Variants in ANO1 observed in about 807,000 individuals in gnomAD.
ANO1 encodes anoctamin 1.
In ANO1, 59 loss-of-function variants were observed where a neutral mutation model predicts 124.0. The observed-to-expected ratio is 0.48, with a 90% CI of 0.39 to 0.59. The LOEUF is 0.59. Among genes scored for constraint, ANO1 ranks in the 20% least tolerant of loss-of-function variants. The pLI, the probability that ANO1 is intolerant of heterozygous loss-of-function variation, is 0.00. For missense variants in ANO1, 1,059 were observed against 1,328.0 expected (o/e 0.80, Z 3.15); for synonymous variants, 529 against 532.0 (o/e 0.99, Z 0.08).
At chr11:70,163,374 T>C (rs1446946705) in intron 19 of ANO1, 34 bp downstream of exon 19, 1 of 1,611,356 alleles carries the variant, frequency 6.2e-7, no homozygotes, top group Non-Finnish European at 8.5e-7. Context: ...TGGCAGCCCC[T>C]TCTGTCTTGC....
chr11:69,972,186 C>CAAAAA, the ANO1 span, among the ~76,000 whole-genome samples: 2 of 86,552 alleles, frequency 2.3e-5, no homozygotes, highest in African/African-American at 4.3e-5. Flanking sequence ...GACTCCGTCT[C>CAAAAA]AAAAAAAAAA....
intron 1 of ANO1, among the ~76,000 whole-genome samples, chr11:69,988,320 C>T (rs1226749053): frequency 1.3e-5 from 2 of 152,318 alleles, no homozygotes; most frequent in South Asian, 2.1e-4. Context: ...ATTCTAGAGC[C>T]AGCCTCCCAG....
intron 24 of ANO1, 141 bp from the exon 25 acceptor site, chr11:70,185,449 C>T (rs1040654672): frequency 4.3e-6 from 3 of 695,440 alleles, no homozygotes; most frequent in Admixed American, 2.7e-5. Flanking sequence ...ATGGGCTGCT[C>T]GCCCAAGAGA....
chr11:70,082,297 A>G (rs951514035), intron 1 of ANO1, among the ~76,000 whole-genome samples: 2 of 152,190 alleles, frequency 1.3e-5, no homozygotes, highest in Non-Finnish European at 2.9e-5. Flanking sequence ...CATGGCTCAC[A>G]CCTCTAAATC....
At chr11:70,126,237 G>A (rs1341793829) in intron 10 of ANO1, 42 bp downstream of exon 10, 1 of 1,588,414 alleles carries the variant, frequency 6.3e-7, no homozygotes, top group Non-Finnish European at 8.6e-7. Flanking sequence ...GTACACAGAG[G>A]AGCCCTCTCC....
intron 1 of ANO1, among the ~76,000 whole-genome samples, chr11:70,003,206 T>C (rs1429925673): frequency 1.3e-5 from 2 of 152,174 alleles, no homozygotes; most frequent in Non-Finnish European, 2.9e-5. Context: ...ATGACCACAA[T>C]AGGCAACTTA....
chr11:69,972,422 A>AATGATG, the ANO1 span, among the ~76,000 whole-genome samples: 3 of 152,092 alleles, frequency 2.0e-5, no homozygotes, highest in African/African-American at 7.2e-5. Context: ...GCATCAACTC[A>AATGATG]ATGATGAGAC....
In ANO1 at chr11:70,007,571, C is replaced by T. The variant is rs544832122; in HGVS notation, c.58+21405C>T. 6.6e-5 allele frequency among the ~76,000 whole-genome samples: 10 copies of T among 152,310 alleles called. No homozygotes were observed. The South Asian group carries it at 1.2e-3, about 19-fold the overall frequency. Reference sequence around the variant, plus strand: ...CTGGGATTACAGGCGTGAGCCACCGCGCCCGGCCACCTCCTTTCTTTTTAA... The same window carrying T: ...CTGGGATTACAGGCGTGAGCCACCGTGCCCGGCCACCTCCTTTCTTTTTAA... On this transcript the variant is annotated intron_variant, in intron 1 of 27. Coordinates refer to the ANO1 transcript ENST00000531349.
At chr11:70,182,730 G>A in intron 24 of ANO1, 44 bp downstream of exon 24, 1 of 1,405,514 alleles carries the variant, frequency 7.1e-7, no homozygotes, top group South Asian at 1.8e-5. Flanking sequence ...CGTTTATTGG[G>A]TTTCTGGGAG....
intron 1 of ANO1, among the ~76,000 whole-genome samples, chr11:70,019,586 C>T (rs1856765112): frequency 6.6e-6 from 1 of 152,166 alleles, no homozygotes; most frequent in Non-Finnish European, 1.5e-5. Flanking sequence ...AGTATGCATT[C>T]AGTGACATCA....
At chr11:70,139,008 C>A (rs577802163) in intron 11 of ANO1, among the ~76,000 whole-genome samples, 4 of 152,014 alleles carry the variant, frequency 2.6e-5, no homozygotes, top group Admixed American at 2.6e-4. Flanking sequence ...GTTTAGCTCC[C>A]ACTTAAAGGT....
intron 1 of ANO1, among the ~76,000 whole-genome samples, chr11:69,994,670 A>G (rs1450516123): frequency 1.3e-5 from 2 of 152,218 alleles, no homozygotes; most frequent in African/African-American, 4.8e-5. Context: ...AGTTCATTTT[A>G]TAACTGGTTT....
At chr11:69,973,053 G>A in the ANO1 span, among the ~76,000 whole-genome samples, 1 of 152,058 alleles carries the variant, frequency 6.6e-6, no homozygotes, top group African/African-American at 2.4e-5. Flanking sequence ...AGAATTACAG[G>A]CGTGTGCCAC....
At chr11:70,034,508 A>G (rs1298009072) in intron 1 of ANO1, among the ~76,000 whole-genome samples, 1 of 152,176 alleles carries the variant, frequency 6.6e-6, no homozygotes, top group Non-Finnish European at 1.5e-5. Flanking sequence ...AAAGTATGTA[A>G]AAAACCAACA....
intron 1 of ANO1, among the ~76,000 whole-genome samples, chr11:70,053,345 GT>G: frequency 6.6e-6 from 1 of 152,164 alleles, no homozygotes; most frequent in East Asian, 1.9e-4. Context: ...AGACATCTGT[GT>G]TTCAATTCCA....
chr11:70,173,198 G>A (rs1261781462), intron 22 of ANO1, among the ~76,000 whole-genome samples: 4 of 152,188 alleles, frequency 2.6e-5, no homozygotes, highest in African/African-American at 7.2e-5. Flanking sequence ...TCAGATAGCA[G>A]TGATTCACCC....
chr11:70,063,518 T>C (rs1857644829), intron 1 of ANO1, among the ~76,000 whole-genome samples: 1 of 152,190 alleles, frequency 6.6e-6, no homozygotes, highest in African/African-American at 2.4e-5. Context: ...AGCATTCCCA[T>C]GTACCTCACC....
chr11:70,008,098 TCA>T (rs1487836289), intron 1 of ANO1, among the ~76,000 whole-genome samples: 1 of 142,932 alleles, frequency 7.0e-6, no homozygotes, highest in East Asian at 2.0e-4. Context: ...CATTTTAAAA[TCA>T]GAGTATTTGA....
intron 1 of ANO1, among the ~76,000 whole-genome samples, chr11:70,086,828 C>T (rs1431491119): frequency 6.6e-6 from 1 of 152,246 alleles, no homozygotes; most frequent in Admixed American, 6.5e-5. Context: ...CCTACTCTGG[C>T]ACCTGAGATC....
Sources: gnomAD v4.1 joint callset for allele counts (sites outside exome capture counted in the v4.1 genomes callset) on GRCh38, gnomAD v4.1.1 for gene constraint, MANE v1.5 for transcripts, NCBI Gene and HGNC (gene_info 2026-07-23, HGNC 2026-07-21) for gene names.